Variants in ERC2 observed in about 807,000 individuals in gnomAD.
ERC2 encodes the protein ELKS/RAB6-interacting/CAST family member 2.
Under a neutral mutation model 114.8 loss-of-function variants are expected in ERC2, and 42 were observed. The observed-to-expected ratio is 0.37, with a 90% CI of 0.29 to 0.47. The LOEUF is 0.47. ERC2 is among the 20% of genes least tolerant of loss of function. ERC2 has a pLI of 0.99. For synonymous variants in ERC2, 454 were observed against 425.5 expected (o/e 1.07, Z -0.82); for missense variants, 939 against 1,150.7 (o/e 0.82, Z 2.66).
At chr3:56,371,259 C>T (rs1365556428) in intron 2 of ERC2, among the ~76,000 whole-genome samples, 1 of 152,200 alleles carries the variant, frequency 6.6e-6, no homozygotes, top group Non-Finnish European at 1.5e-5. Context: ...AGGATTTAGT[C>T]AATGACTGCC....
At chr3:56,209,146 C>T (rs1279733544) in intron 3 of ERC2, among the ~76,000 whole-genome samples, 2 of 152,108 alleles carry the variant, frequency 1.3e-5, no homozygotes, top group Admixed American at 6.6e-5. Flanking sequence ...CCTTTCACAC[C>T]ACCCCCTTTT....
chr3:56,053,212 TGGTAA>T (rs1006195795), intron 7 of ERC2, among the ~76,000 whole-genome samples: 4 of 151,624 alleles, frequency 2.6e-5, no homozygotes, highest in Admixed American at 6.6e-5. Context: ...CTTGTGTGAG[TGGTAA>T]GAGGAGAAGT....
At chr3:55,986,089 A>T in intron 11 of ERC2, 101 bp from the exon 12 acceptor site, 1 of 1,127,884 alleles carries the variant, frequency 8.9e-7, no homozygotes, top group Non-Finnish European at 1.3e-6. Context: ...AGTTTTAAAC[A>T]TATAGCCAAC....
chr3:56,216,960 C>T (rs941999371), intron 3 of ERC2, among the ~76,000 whole-genome samples: 1 of 152,168 alleles, frequency 6.6e-6, no homozygotes, highest in Admixed American at 6.5e-5. Context: ...GCTAAAAACT[C>T]TCAATAAATT....
intron 17 of ERC2, among the ~76,000 whole-genome samples, chr3:55,522,382 G>A (rs185338832): frequency 6.6e-6 from 1 of 150,746 alleles, no homozygotes; most frequent in African/African-American, 2.5e-5. Flanking sequence ...AAGTGAAGTG[G>A]GTTCTTAAAT....
At chr3:56,279,673 A>C (rs2054223414) in intron 3 of ERC2, among the ~76,000 whole-genome samples, 1 of 152,242 alleles carries the variant, frequency 6.6e-6, no homozygotes. Context: ...TCCTTCGGGC[A>C]ATGCAGGGTT....
chr3:55,526,282 G>T (rs954416022), intron 17 of ERC2, among the ~76,000 whole-genome samples: 5 of 152,172 alleles, frequency 3.3e-5, no homozygotes, highest in African/African-American at 1.2e-4. Context: ...ATAAATTTCT[G>T]TTGTTTTAAG....
chr3:56,329,920 C>A (rs987204475), intron 2 of ERC2, among the ~76,000 whole-genome samples: 8 of 148,090 alleles, frequency 5.4e-5, no homozygotes, highest in Non-Finnish European at 1.2e-4. Context: ...TCATGTGTTT[C>A]CAATATACAT....
chr3:55,632,361 T>C (rs1343085474), intron 17 of ERC2, among the ~76,000 whole-genome samples: 4 of 152,184 alleles, frequency 2.6e-5, no homozygotes, highest in Non-Finnish European at 5.9e-5. Flanking sequence ...AGGCCCAGGG[T>C]ACCAGGGTAT....
chr3:55,732,379 A>G (rs916370712), intron 15 of ERC2, among the ~76,000 whole-genome samples: 1 of 152,198 alleles, frequency 6.6e-6, no homozygotes, highest in Non-Finnish European at 1.5e-5. Context: ...GAAGGAGCCC[A>G]TCCTCTTCCT....
At chr3:56,130,033 G>A (rs529864840) in intron 6 of ERC2, among the ~76,000 whole-genome samples, 1 of 152,290 alleles carries the variant, frequency 6.6e-6, no homozygotes, top group Non-Finnish European at 1.5e-5. Context: ...AAGGATTTTT[G>A]TTGGAACACT....
At chr3:56,236,923 C>T (rs900037743) in intron 3 of ERC2, among the ~76,000 whole-genome samples, 4 of 152,112 alleles carry the variant, frequency 2.6e-5, no homozygotes, top group African/African-American at 9.7e-5. Flanking sequence ...ACAACCAACA[C>T]GAATGTTGGT....
At chr3:56,077,021 C>T (rs151146108) in intron 7 of ERC2, among the ~76,000 whole-genome samples, 1 of 152,156 alleles carries the variant, frequency 6.6e-6, no homozygotes, top group Admixed American at 6.5e-5. Context: ...TTGACATGAG[C>T]TTATTATTCT....
At chr3:56,352,694 A>T (rs1364792524) in intron 2 of ERC2, among the ~76,000 whole-genome samples, 1 of 152,192 alleles carries the variant, frequency 6.6e-6, no homozygotes, top group Non-Finnish European at 1.5e-5. Flanking sequence ...GCAAGGGTGT[A>T]ATCAAGGTGT....
At chr3:55,704,659 T>A (rs901560467) in intron 15 of ERC2, among the ~76,000 whole-genome samples, 69 of 152,144 alleles carry the variant, frequency 4.5e-4, no homozygotes, top group African/African-American at 1.6e-3. Context: ...TAGCAATGAA[T>A]CATAATTGAG....
chr3:56,419,737 T>G (rs931920239), intron 2 of ERC2, among the ~76,000 whole-genome samples: 1 of 152,200 alleles, frequency 6.6e-6, no homozygotes, highest in African/African-American at 2.4e-5. Context: ...AGGATCTTGA[T>G]CTAAATATCC....
At chr3:56,331,999 C>T (rs1486174373) in intron 2 of ERC2, among the ~76,000 whole-genome samples, 1 of 152,176 alleles carries the variant, frequency 6.6e-6, no homozygotes, top group Non-Finnish European at 1.5e-5. Flanking sequence ...GGTGAACTCA[C>T]TCCCATGTGC....
chr3:55,998,104 A>T, intron 10 of ERC2, among the ~76,000 whole-genome samples: 1 of 151,374 alleles, frequency 6.6e-6, no homozygotes, highest in East Asian at 1.9e-4. Flanking sequence ...TTCACTCACA[A>T]TTCAAGCTAA....
chr3:55,832,581 G>T (rs2149191056), intron 14 of ERC2, among the ~76,000 whole-genome samples: 1 of 152,284 alleles, frequency 6.6e-6, no homozygotes, highest in Admixed American at 6.5e-5. Flanking sequence ...CAAACAGAAA[G>T]AATATCCACA....
Sources: gnomAD v4.1 joint callset for allele counts (sites outside exome capture counted in the v4.1 genomes callset) on GRCh38, gnomAD v4.1.1 for gene constraint, MANE v1.5 for transcripts, NCBI Gene and HGNC (gene_info 2026-07-23, HGNC 2026-07-21) for gene names.